The following WDR91 variants were observed in gnomAD, a reference collection of about 807,000 sequenced individuals.
WDR91 encodes WD repeat-containing protein 91.
In WDR91, 52 loss-of-function variants were observed where a neutral mutation model predicts 88.4. The observed-to-expected ratio is 0.59, with a 90% confidence interval of 0.47 to 0.74. WDR91 has a LOEUF of 0.74. WDR91 is among the 30% of genes least tolerant of loss of function. The pLI is 0.00. For missense variants in WDR91, 824 were observed against 954.5 expected, an observed-to-expected ratio of 0.86 and a Z score of 1.80; for synonymous variants, 362 against 389.5, an observed-to-expected ratio of 0.93 and a Z score of 0.83.
chr7:135,195,996 C>G, intron 8 of WDR91, 148 bp downstream of exon 8: 1 of 681,366 alleles, frequency 1.5e-6, no homozygotes. Context: ...CCACTGGCAG[C>G]TCCAACCGAC....
chr7:135,198,174 T>C, intron 6 of WDR91, 23 bp from the exon 7 acceptor site: 1 of 1,603,664 alleles, frequency 6.2e-7, no homozygotes, highest in Non-Finnish European at 8.5e-7. Context: ...AAGCTGGCTG[T>C]GAAGTCTCTT....
At position 135,186,954 on chromosome 7, in the gene WDR91, C is replaced by G. The variant is rs771859269; in HGVS notation, c.2079+18G>C. ...CCCACCACAATACCACTACCTCCCA[C>G]CCCCAACCATCAGTTACCTTGTAGA... On this transcript the variant is annotated intron_variant, in intron 14 of 14. Transcript: ENST00000354475. 2 of 1,612,880 alleles carry G rather than the reference C, an allele frequency of 1.2e-6. No homozygotes were observed. Among genetic ancestry groups the G allele is most frequent in the East Asian group, 4.5e-5 (2 of 44,884 alleles).
chr7:135,202,370 C>G (rs1050961072), intron 6 of WDR91: 3 of 152,218 alleles, frequency 2.0e-5, no homozygotes, highest in Non-Finnish European at 2.9e-5. Context: ...AGTGACCTGA[C>G]TATTGGGTTT....
chr7:135,196,410 C>T lies in WDR91; in HGVS notation c.1051-73G>A. 1 of 1,360,006 alleles carries T rather than the reference C, an allele frequency of 7.4e-7. No individual in the cohort carries two copies. The highest frequency in any genetic ancestry group is 9.7e-7 in the Non-Finnish European group (1 of 1,031,138). 84.2% of individuals were successfully genotyped at this position (1,360,006 alleles called of 1,614,324 possible). The stretch of plus-strand genomic sequence containing the variant: ...CACCAGGGTGTACACCGCAGGGGGT[C>T]TAGGCCTAGGCTGCAGCATTTTGCG... On this transcript the variant is annotated intron_variant, in intron 7 of 14. Transcript: ENST00000354475. The surrounding 1 kb of genome is among the most constrained non-coding windows in gnomAD (Gnocchi z 4.2).
In WDR91 at chr7:135,193,598, A is replaced by G. The variant is rs2117652972; in HGVS notation, c.1470T>C (p.Asn490=). ...TEAKKNLCEI[N]INDNMPRILS... ...TTCACCTGGGCATGTTGTCGTTGAT[A>G]TTGATTTCACAGAGATTCTTCTTGG... The change falls in exon 10 of 15, where the codon AAT becomes AAC. Residue 490 remains asparagine (N), a synonymous_variant. Coordinates refer to ENST00000354475, the MANE Select transcript of WDR91 (RefSeq NM_014149.4). The G allele has an allele frequency of 6.2e-7, 1 of 1,614,142 alleles. No individual in the cohort carries two copies. Among genetic ancestry groups the G allele is most frequent in the East Asian group, 2.2e-5 (1 of 44,882 alleles).
At chr7:135,200,770 A>C (rs530470470) in intron 6 of WDR91, among the ~76,000 whole-genome samples, 1 of 152,280 alleles carries the variant, frequency 6.6e-6, no homozygotes, top group South Asian at 2.1e-4. Flanking sequence ...TTATCATTTG[A>C]CCTTCTCACT....
intron 13 of WDR91, 142 bp from the exon 14 acceptor site, chr7:135,187,311 G>A (rs292559): frequency 0.71 from 566,203 of 793,526 alleles, 204,314 homozygotes; most frequent in Admixed American, 0.8. Flanking sequence ...TCCTTGAAAA[G>A]CCTTTCAAGT....
intron 13 of WDR91, among the ~76,000 whole-genome samples, chr7:135,188,202 A>G (rs1831025142): frequency 1.3e-5 from 2 of 152,240 alleles, no homozygotes; most frequent in African/African-American, 4.8e-5. Context: ...CATCTATGGT[A>G]AGATGAGTAA....
chr7:135,189,554 G>C (rs1018393143), intron 11 of WDR91, 102 bp from the exon 12 acceptor site: 1 of 848,440 alleles, frequency 1.2e-6, no homozygotes, highest in African/African-American at 1.7e-5. Context: ...TTTTCCACCA[G>C]CTCCTCCCTT....
chr7:135,186,957 C>A lies in WDR91; in HGVS notation c.2079+15G>T, dbSNP rs573583277. The A allele has an allele frequency of 6.2e-7, 1 of 1,613,046 alleles. No homozygotes were observed. The highest frequency in any genetic ancestry group is 8.5e-7 in the Non-Finnish European group (1 of 1,180,022). On this transcript the variant is annotated intron_variant, in intron 14 of 14. Coordinates refer to ENST00000354475, the MANE Select transcript of WDR91 (RefSeq NM_014149.4). ...ACCACAATACCACTACCTCCCACCC[C>A]CAACCATCAGTTACCTTGTAGATGA...
chr7:135,195,102 G>A lies in WDR91; in HGVS notation c.1245-18C>T. 6.2e-7 allele frequency: 1 copy of A among 1,608,378 alleles called. No homozygotes were observed. The highest frequency in any genetic ancestry group is 1.7e-5 in the Admixed American group (1 of 59,520). ...AGTCCACTCTGAGATGAGAGAAAAG[G>A]GAGGCCTGTCAGCTGGCCTCTCAGT... On this transcript the variant is annotated intron_variant, in intron 8 of 14. Transcript: ENST00000354475.
At chr7:135,193,772 G>A (rs1831263947) in intron 9 of WDR91, 100 bp from the exon 10 acceptor site, 1 of 955,494 alleles carries the variant, frequency 1.0e-6, no homozygotes, top group Non-Finnish European at 1.6e-6. Context: ...CTGTGGGGGT[G>A]AGGCCCCTCC....
rs1831379978 is a variant in WDR91, at chr7:135,196,495, C to G, written c.1051-158G>C. Among the ~76,000 whole-genome samples the G allele has an allele frequency of 6.6e-6, 1 of 152,056 alleles. No homozygotes were observed. Among genetic ancestry groups the G allele is most frequent in the Non-Finnish European group, 1.5e-5 (1 of 68,008 alleles). ...TCTGACCTGCGAGGGTAGTGCTCAG[C>G]TCACCCTGGGAGAGTGCAGGGCCTG... On this transcript the variant is annotated intron_variant, in intron 7 of 14. Coordinates refer to ENST00000354475, the MANE Select transcript of WDR91 (RefSeq NM_014149.4). The surrounding 1 kb of genome is among the most constrained non-coding windows in gnomAD (Gnocchi z 4.2).
intron 1 of WDR91, chr7:135,210,812 A>C (rs1831987684): frequency 1.4e-6 from 1 of 703,712 alleles, no homozygotes; most frequent in Non-Finnish European, 2.6e-6. Context: ...TACAAATCAC[A>C]CACATATACA....
At chr7:135,193,160 G>C in intron 11 of WDR91, 71 bp downstream of exon 11, 1 of 1,549,104 alleles carries the variant, frequency 6.5e-7, no homozygotes. Flanking sequence ...GAGGGAAGAG[G>C]CTCTTCAGAA....
In WDR91 at chr7:135,209,648, C is replaced by G. The variant is rs573973371; in HGVS notation, c.231G>C (p.Glu77Asp). 6.2e-7 allele frequency: 1 copy of G among 1,613,516 alleles called. No homozygotes were observed. The highest frequency in any genetic ancestry group is 1.1e-5 in the South Asian group (1 of 90,926). ...YLERRLFSRLEDIYRPTIHKL... is the reference protein window; with the variant it reads ...YLERRLFSRLDDIYRPTIHKL... ...TGTGGATTGTGGGTCTGTATATATC[C>G]TCCAAGCGGCTGAAGAGCCGACGCT... The change falls in exon 2 of 15, where the codon GAG becomes GAC. Residue 77 changes from glutamate (E) to aspartate (D), a missense_variant. By Grantham distance (45) the Glu-to-Asp change is conservative. Transcript: ENST00000354475.
At chr7:135,203,742 A>G (rs954382197) in intron 6 of WDR91, among the ~76,000 whole-genome samples, 1 of 152,004 alleles carries the variant, frequency 6.6e-6, no homozygotes, top group African/African-American at 2.4e-5. Context: ...GTTCATAGGA[A>G]ATTTATGAGA....
chr7:135,205,960 G>C lies in WDR91; in HGVS notation c.693C>G (p.Val231=). The C allele has an allele frequency of 6.2e-7, 1 of 1,614,082 alleles. No homozygotes were observed. The highest frequency in any genetic ancestry group is 8.5e-7 in the Non-Finnish European group (1 of 1,180,038). ...ALVQHKLPPY[V]SNMDRLGDSE... ...AGTCCCCCAGGCGGTCCATGTTGGA[G>C]ACATAAGGAGGCAATTTGTGTTGGA... Residue 231 remains valine, a synonymous_variant, in exon 5 of 15, where the codon GTC becomes GTG. Coordinates refer to ENST00000354475, the MANE Select transcript of WDR91 (RefSeq NM_014149.4).
intron 6 of WDR91, chr7:135,199,187 T>A (rs1326019952): frequency 6.6e-6 from 1 of 152,234 alleles, no homozygotes; most frequent in Non-Finnish European, 1.5e-5. Context: ...TAACATGGAT[T>A]CCTTGGAATC....
Sources: gnomAD v4.1 joint callset for allele counts (sites outside exome capture counted in the v4.1 genomes callset) on GRCh38, gnomAD v4.1.1 for gene constraint, Gnocchi (gnomAD v3.1) non-coding constraint, MANE v1.5 for transcripts, NCBI Gene and HGNC (gene_info 2026-07-23, HGNC 2026-07-21) for gene names.